The following CCSER1 variants were observed in gnomAD, a reference collection of about 807,000 sequenced individuals.
CCSER1 encodes serine-rich coiled-coil domain-containing protein 1.
A neutral mutation model predicts 82.0 loss-of-function variants in CCSER1; 41 were observed. The ratio of observed to expected loss-of-function variants is 0.50; its 90% CI spans 0.39 to 0.65. CCSER1 has a LOEUF of 0.65. Ranked by LOEUF, CCSER1 falls within the 30% of genes least tolerant of loss-of-function variation. The pLI is 0.00. For missense variants in CCSER1, 1,119 were observed against 1,064.2 expected, an observed-to-expected ratio of 1.05 and a Z score of -0.72; for synonymous variants, 414 against 383.9, an observed-to-expected ratio of 1.08 and a Z score of -0.92.
chr4:91,358,762 G>A lies in CCSER1; in HGVS notation c.2218-239810G>A, dbSNP rs189649169. On this transcript the variant is annotated intron_variant, in intron 10 of 10. Transcript: ENST00000509176. The stretch of plus-strand genomic sequence containing the variant: ...AGCCACTGTGTTAATCCTCCTCGGG[G>A]GCCTGCTATGTGCGCTGCTCTGGCG... 3.4e-3 allele frequency among the ~76,000 whole-genome samples: 514 copies of A among 152,182 alleles called. 4 individuals are homozygous for A. The highest frequency in any genetic ancestry group is 0.012 in the African/African-American group (484 of 41,516).
chr4:90,277,154 C>T (rs1159970824), intron 1 of CCSER1, among the ~76,000 whole-genome samples: 1 of 151,910 alleles, frequency 6.6e-6, no homozygotes, highest in Non-Finnish European at 1.5e-5. Flanking sequence ...GTGGGCATTC[C>T]TGTCTAGGCA....
In CCSER1 at chr4:90,691,625, TATGTATATATATCAC is replaced by T. The variant is rs1274270314; in HGVS notation, c.1933-32277_1933-32263del. ...TGTATATATCACATGTATATATGTGTATGTATATATATCACATGTATATATACACACATGCATATG... is the reference window on the plus strand; with the variant it reads ...TGTATATATCACATGTATATATGTGTATGTATATATACACACATGCATATG... On this transcript the variant is annotated intron_variant, in intron 6 of 10. Coordinates refer to ENST00000509176, the MANE Select transcript of CCSER1 (RefSeq NM_001145065.2). Among the ~76,000 whole-genome samples, 17 of 106,260 alleles carry T rather than the reference TATGTATATATATCAC, an allele frequency of 1.6e-4. No individual in the cohort carries two copies. The South Asian group carries it at 1.7e-3, about 11-fold the overall frequency. 69.7% of individuals were successfully genotyped at this position (106,260 alleles called of 152,430 possible). A position where few individuals can be genotyped will look rare whatever the true frequency, so the allele number is the denominator to read the frequency against.
At chr4:91,117,130 G>A (rs1726686492) in intron 10 of CCSER1, among the ~76,000 whole-genome samples, 1 of 152,202 alleles carries the variant, frequency 6.6e-6, no homozygotes, top group Non-Finnish European at 1.5e-5. Context: ...AGCCTTTAAT[G>A]TTAAGCTTGC....
At chr4:90,980,305 G>C (rs909445887) in intron 9 of CCSER1, among the ~76,000 whole-genome samples, 13 of 151,780 alleles carry the variant, frequency 8.6e-5, no homozygotes, top group African/African-American at 3.1e-4. Context: ...TCTGAGGCAA[G>C]AGAGTGTGCC....
chr4:90,388,741 T>G (rs1158117004), intron 3 of CCSER1, among the ~76,000 whole-genome samples: 1 of 152,184 alleles, frequency 6.6e-6, no homozygotes, highest in East Asian at 1.9e-4. Flanking sequence ...GTTCAACGGA[T>G]TCTCCTGTCT....
chr4:90,930,910 T>TTTTATATA (rs375418729), intron 9 of CCSER1, among the ~76,000 whole-genome samples: 2 of 109,646 alleles, frequency 1.8e-5, no homozygotes, highest in African/African-American at 3.1e-5. Flanking sequence ...TATCCTTATT[T>TTTTATATA]TATATATATA....
intron 9 of CCSER1, among the ~76,000 whole-genome samples, chr4:91,057,457 A>G (rs569171364): frequency 6.6e-6 from 1 of 152,298 alleles, no homozygotes; most frequent in East Asian, 1.9e-4. Flanking sequence ...TTTTATTGCT[A>G]GAAGCATGAG....
chr4:90,707,569 G>GT (rs1242499486), intron 6 of CCSER1, among the ~76,000 whole-genome samples: 9 of 150,530 alleles, frequency 6.0e-5, no homozygotes, highest in Non-Finnish European at 1.5e-5. Flanking sequence ...TATTCAAACA[G>GT]TTTTTACTAC....
At chr4:91,001,412 C>G (rs1226791250) in intron 9 of CCSER1, among the ~76,000 whole-genome samples, 1 of 152,074 alleles carries the variant, frequency 6.6e-6, no homozygotes, top group Non-Finnish European at 1.5e-5. Context: ...CAGGGTGATG[C>G]TGGCTTCATA....
At chr4:91,120,849 T>G (rs995032816) in intron 10 of CCSER1, among the ~76,000 whole-genome samples, 1 of 151,694 alleles carries the variant, frequency 6.6e-6, no homozygotes, top group Non-Finnish European at 1.5e-5. Context: ...ACTAACAAAA[T>G]AAAACCAGGA....
intron 10 of CCSER1, among the ~76,000 whole-genome samples, chr4:91,573,220 G>T (rs191522188): frequency 6.6e-6 from 1 of 152,320 alleles, no homozygotes; most frequent in African/African-American, 2.4e-5. Context: ...CAGTAAGGAT[G>T]GTGTTCCACC....
chr4:91,256,316 T>G (rs981348078), intron 10 of CCSER1, among the ~76,000 whole-genome samples: 13 of 152,168 alleles, frequency 8.5e-5, no homozygotes, highest in African/African-American at 3.1e-4. Flanking sequence ...TTAAGATGTT[T>G]ATCAATGACA....
rs1751407878 is a variant in CCSER1 at position 90,767,383 on chromosome 4, A to G, written c.2010+43392A>G. ...TTGCAATTTCACTGATGATCTAAATAATGCCATTGGTTTAAACAGTTAGTT... is the reference window on the plus strand; with the variant it reads ...TTGCAATTTCACTGATGATCTAAATGATGCCATTGGTTTAAACAGTTAGTT... On this transcript the variant is annotated intron_variant, in intron 7 of 10. Coordinates refer to ENST00000509176, the MANE Select transcript of CCSER1 (RefSeq NM_001145065.2). Among the ~76,000 whole-genome samples, 3 of 152,158 alleles carry G rather than the reference A, an allele frequency of 2.0e-5. 1 individual carries two copies. The highest frequency in any genetic ancestry group is 2.0e-4 in the Admixed American group (3 of 15,274).
intron 10 of CCSER1, among the ~76,000 whole-genome samples, chr4:91,144,078 A>G (rs1269629939): frequency 6.6e-6 from 1 of 151,964 alleles, no homozygotes; most frequent in East Asian, 1.9e-4. Context: ...TTTATCTGGC[A>G]GAATATACAA....
intron 10 of CCSER1, among the ~76,000 whole-genome samples, chr4:91,223,478 A>C (rs569852160): frequency 6.6e-6 from 1 of 152,296 alleles, no homozygotes; most frequent in African/African-American, 2.4e-5. Flanking sequence ...AGAAATCAGT[A>C]AGTGCTTAAA....
chr4:91,377,526 T>C (rs1226709506), intron 10 of CCSER1, among the ~76,000 whole-genome samples: 1 of 152,270 alleles, frequency 6.6e-6, no homozygotes, highest in Non-Finnish European at 1.5e-5. Context: ...TTCATGTATT[T>C]GTTGGCTGCA....
At chr4:90,241,483 C>T (rs1471530624) in intron 1 of CCSER1, among the ~76,000 whole-genome samples, 2 of 152,114 alleles carry the variant, frequency 1.3e-5, no homozygotes, top group Non-Finnish European at 2.9e-5. Flanking sequence ...TCTATTGTTG[C>T]TTTAACATAG....
intron 6 of CCSER1, among the ~76,000 whole-genome samples, chr4:90,634,741 G>A (rs777691684): frequency 6.6e-6 from 1 of 151,902 alleles, no homozygotes; most frequent in Non-Finnish European, 1.5e-5. Context: ...AATTACCATG[G>A]AAATATAGAC....
intron 1 of CCSER1, among the ~76,000 whole-genome samples, chr4:90,249,082 A>AT (rs11461582): frequency 0.65 from 99,317 of 151,948 alleles, 34,945 homozygotes; most frequent in African/African-American, 0.91. Context: ...AAATAAAATC[A>AT]TTTGTGGCAA....
Sources: gnomAD v4.1 joint callset for allele counts (sites outside exome capture counted in the v4.1 genomes callset) on GRCh38, gnomAD v4.1.1 for gene constraint, MANE v1.5 for transcripts, NCBI Gene and HGNC (gene_info 2026-07-23, HGNC 2026-07-21) for gene names.